USP33: variants seen among roughly 807,000 people sequenced by gnomAD.
USP33 encodes ubiquitin specific peptidase 33, also known as ubiquitin carboxyl-terminal hydrolase 33.
Under a neutral mutation model 124.2 loss-of-function variants are expected in USP33, and 46 were observed. The ratio of observed to expected loss-of-function variants is 0.37; its 90% CI spans 0.29 to 0.47. The LOEUF is 0.47. USP33 is among the 20% of genes least tolerant of loss of function. The pLI is 0.99. For missense variants in USP33, 851 were observed against 1,070.6 expected (o/e 0.79, Z 2.86); for synonymous variants, 350 against 352.3 (o/e 0.99, Z 0.07).
At chr1:77,731,831 T>G (rs1307112223) in intron 7 of USP33, among the ~76,000 whole-genome samples, 1 of 152,156 alleles carries the variant, frequency 6.6e-6, no homozygotes, top group African/African-American at 2.4e-5. Context: ...CTGCCAGGCA[T>G]GGTTGGTCAT....
intron 21 of USP33, among the ~76,000 whole-genome samples, chr1:77,702,414 T>C (rs1022191731): frequency 7.9e-5 from 12 of 152,164 alleles, no homozygotes; most frequent in African/African-American, 2.4e-4. Context: ...TCTATACTTT[T>C]TGTTTACTTA....
intron 15 of USP33, 25 bp from the exon 16 acceptor site, chr1:77,718,666 ATTAGTCT>A: frequency 1.3e-6 from 2 of 1,567,652 alleles, no homozygotes. Context: ...GAGAAAATCA[ATTAGTCT>A]ACAAAAAAAC....
chr1:77,719,617 C>A (rs1466433457), intron 15 of USP33, among the ~76,000 whole-genome samples: 1 of 152,098 alleles, frequency 6.6e-6, no homozygotes, highest in African/African-American at 2.4e-5. Context: ...TTTTGGGAGG[C>A]CAAGGTGGGC....
intron 19 of USP33, 105 bp from the exon 20 acceptor site, chr1:77,713,386 C>A: frequency 1.0e-6 from 1 of 969,264 alleles, no homozygotes; most frequent in Non-Finnish European, 1.5e-6. Context: ...GATCAATCAT[C>A]ATTGTTTTTT....
rs371383047 is a variant in USP33 at position 77,725,740 on chromosome 1, C to T, written c.1158G>A (p.Ser386=). The change falls in exon 11 of 24, where the codon TCG becomes TCA. Residue 386 remains serine (S), a synonymous_variant. Coordinates refer to ENST00000370794, the MANE Select transcript of USP33 (RefSeq NM_201624.3). ...RASEYITDVH[S]NDLSTPQILP... ...GGATCTGTGGTGTAGACAGGTCATTCGAATGGACATCAGTGATATATTCTG... is the reference window on the plus strand; with the variant it reads ...GGATCTGTGGTGTAGACAGGTCATTTGAATGGACATCAGTGATATATTCTG... 10 of 1,612,822 alleles carry T rather than the reference C, an allele frequency of 6.2e-6. No homozygotes were observed. The highest frequency in any genetic ancestry group is 4.0e-5 in the African/African-American group (3 of 74,836).
In USP33 at chr1:77,733,984, T is replaced by TA. The variant is rs1045024285; in HGVS notation, c.524+362dup. Among the ~76,000 whole-genome samples, 625 of 150,128 alleles carry TA rather than the reference T, an allele frequency of 4.2e-3. 6 individuals carry two copies. The highest frequency in any genetic ancestry group is 0.014 in the African/African-American group (579 of 41,066). ...CATATCTATTTTGTAAGACTACGAT[T>TA]AAAAAAAAAATCTAACTCCTTTATT... is the stretch of plus-strand genomic sequence containing the variant. On this transcript the variant is annotated intron_variant, in intron 7 of 23. Transcript: ENST00000370794.
chr1:77,734,766 A>C (rs1018820284), intron 6 of USP33, among the ~76,000 whole-genome samples: 1 of 152,184 alleles, frequency 6.6e-6, no homozygotes, highest in East Asian at 1.9e-4. Flanking sequence ...CAATGCAAAA[A>C]AACTCGTCAT....
At chr1:77,742,990 T>A in intron 1 of USP33, among the ~76,000 whole-genome samples, 1 of 152,120 alleles carries the variant, frequency 6.6e-6, no homozygotes. Flanking sequence ...CTGCCCAGGC[T>A]GGAGTGCAAT....
At chr1:77,747,431 T>C (rs1444271044) in intron 1 of USP33, among the ~76,000 whole-genome samples, 2 of 151,992 alleles carry the variant, frequency 1.3e-5, no homozygotes, top group Non-Finnish European at 2.9e-5. Flanking sequence ...ATTTTTAACT[T>C]TCTTTTGTGG....
At chr1:77,713,310 C>T in intron 19 of USP33, 29 bp from the exon 20 acceptor site, 2 of 1,536,994 alleles carry the variant, frequency 1.3e-6, no homozygotes, top group Non-Finnish European at 1.8e-6. Context: ...ATATCTGTTT[C>T]ATGCTTTTAA....
chr1:77,733,615 CAA>C (rs1011779853), intron 7 of USP33, among the ~76,000 whole-genome samples: 2 of 151,990 alleles, frequency 1.3e-5, no homozygotes, highest in African/African-American at 2.4e-5. Flanking sequence ...CTCCAAAATC[CAA>C]AACTTTTTGA....
intron 7 of USP33, among the ~76,000 whole-genome samples, chr1:77,732,869 T>C (rs115778101): frequency 0.034 from 5,045 of 149,686 alleles, 121 homozygotes; most frequent in Middle Eastern, 0.052. Flanking sequence ...CCTAGGCTCA[T>C]TGCAACCTCC....
At chr1:77,710,600 T>C (rs1405334974) in intron 21 of USP33, among the ~76,000 whole-genome samples, 1 of 152,220 alleles carries the variant, frequency 6.6e-6, no homozygotes, top group Non-Finnish European at 1.5e-5. Context: ...TACTTTACTT[T>C]AGGCAAGGGC....
At chr1:77,720,835 A>G (rs1382594606) in intron 15 of USP33, among the ~76,000 whole-genome samples, 1 of 152,218 alleles carries the variant, frequency 6.6e-6, no homozygotes, top group Non-Finnish European at 1.5e-5. Context: ...TTTTATGTGG[A>G]TATGAAACTT....
intron 10 of USP33, among the ~76,000 whole-genome samples, chr1:77,727,110 C>T (rs1348627169): frequency 1.3e-5 from 2 of 152,196 alleles, no homozygotes. Context: ...ACAACTCACT[C>T]TAGGACTTTC....
At chr1:77,715,688 G>A in intron 18 of USP33, 54 bp downstream of exon 18, 5 of 1,585,984 alleles carry the variant, frequency 3.2e-6, no homozygotes, top group Non-Finnish European at 4.3e-6. Flanking sequence ...AGAAGTCACT[G>A]ATAAGCCCAA....
intron 20 of USP33, among the ~76,000 whole-genome samples, 161 bp downstream of exon 20, chr1:77,713,039 C>T (rs1243842318): frequency 1.3e-5 from 2 of 152,030 alleles, no homozygotes; most frequent in African/African-American, 4.8e-5. Flanking sequence ...CTAGACTATG[C>T]CACAGTAGCT....
At chr1:77,750,621 TAAAAAAGAAAGAAAGA>T (rs1430963343) in intron 1 of USP33, among the ~76,000 whole-genome samples, 8 of 82,622 alleles carry the variant, frequency 9.7e-5, no homozygotes, top group African/African-American at 4.1e-4. Context: ...GACCCTGACT[TAAAAAAGAAAGAAAGA>T]AAGAAAGAAA....
chr1:77,724,106 A>T (rs1373633912), intron 11 of USP33, among the ~76,000 whole-genome samples: 1 of 152,140 alleles, frequency 6.6e-6, no homozygotes, highest in Non-Finnish European at 1.5e-5. Flanking sequence ...TCAAAAGAAG[A>T]GGGGAAGAGG....
Sources: allele counts gnomAD v4.1 joint callset (sites outside exome capture counted in the v4.1 genomes callset), GRCh38; gene constraint gnomAD v4.1.1; transcripts MANE v1.5; gene names NCBI Gene and HGNC (gene_info 2026-07-23, HGNC 2026-07-21).